RSF1: variants seen among roughly 807,000 people sequenced by gnomAD.
The protein encoded by RSF1 is HBV pX-associated protein 8.
A neutral mutation model predicts 145.2 loss-of-function variants in RSF1; 13 were observed. That is an observed-to-expected ratio of 0.09 (90% CI 0.06 to 0.14). The LOEUF (loss-of-function observed/expected upper bound fraction) is 0.14. Among genes scored for constraint, RSF1 ranks in the 10% least tolerant of loss-of-function variants. The pLI is 1.00. For synonymous variants in RSF1, 577 were observed against 592.6 expected (o/e 0.97, Z 0.38); for missense variants, 1,517 against 1,718.2 (o/e 0.88, Z 2.07).
rs1959268000 is a variant in RSF1, at chr11:77,663,014, C to T, written c.*3903G>A. On this transcript the variant is annotated 3_prime_UTR_variant, in exon 16 of 16. Transcript: ENST00000308488. ...TTCTGATACTTATCTGAAGTGTGTGCGTGTGCACACACACACACACATATA... is the reference window on the plus strand; with the variant it reads ...TTCTGATACTTATCTGAAGTGTGTGTGTGTGCACACACACACACACATATA... 7.4e-6 allele frequency: 1 copy of T among 135,398 alleles called. No homozygotes were observed. The highest frequency in any genetic ancestry group is 2.7e-5 in the African/African-American group (1 of 36,514). The allele number at this position is 135,398 out of a possible 1,614,324, so 8.4% of individuals were successfully genotyped here. A position where few individuals can be genotyped will look rare whatever the true frequency, so the allele number is the denominator to read the frequency against.
At chr11:77,814,982 T>C (rs1462312616) in intron 1 of RSF1, among the ~76,000 whole-genome samples, 1 of 152,202 alleles carries the variant, frequency 6.6e-6, no homozygotes. Context: ...CTGCACTTTA[T>C]GGCATACAAG....
chr11:77,778,528 T>C (rs778698844), intron 1 of RSF1, among the ~76,000 whole-genome samples: 55 of 152,154 alleles, frequency 3.6e-4, no homozygotes, highest in Non-Finnish European at 7.2e-4. Context: ...CCCTCTAACA[T>C]ATGCTCCCTC....
At chr11:77,852,934 T>C in the RSF1 span, among the ~76,000 whole-genome samples, 2 of 152,196 alleles carry the variant, frequency 1.3e-5, no homozygotes, top group African/African-American at 4.8e-5. Context: ...TTATTCACTT[T>C]AGTCCTAAGG....
intron 7 of RSF1, among the ~76,000 whole-genome samples, 180 bp from the exon 8 acceptor site, chr11:77,693,791 T>TTATG (rs1960216615): frequency 6.6e-6 from 1 of 151,536 alleles, no homozygotes; most frequent in Non-Finnish European, 1.5e-5. Flanking sequence ...ATTTATTTAT[T>TTATG]TATTTATTTA....
At chr11:77,788,998 C>G (rs1459739901) in intron 1 of RSF1, among the ~76,000 whole-genome samples, 1 of 152,032 alleles carries the variant, frequency 6.6e-6, no homozygotes, top group Non-Finnish European at 1.5e-5. Context: ...AAAGCAAGAC[C>G]TTATCTCAAA....
At chr11:77,738,029 T>C (rs1327143431) in intron 4 of RSF1, among the ~76,000 whole-genome samples, 1 of 152,146 alleles carries the variant, frequency 6.6e-6, no homozygotes, top group African/African-American at 2.4e-5. Flanking sequence ...CTTGGGAGGC[T>C]GAGGCAGAAG....
intron 1 of RSF1, among the ~76,000 whole-genome samples, chr11:77,801,275 A>C (rs966075809): frequency 3.3e-5 from 5 of 152,150 alleles, no homozygotes; most frequent in Non-Finnish European, 7.4e-5. Context: ...CTAAAGATAC[A>C]AAAGTAGCCG....
chr11:77,767,204 AACC>A (rs1948235484), intron 1 of RSF1, among the ~76,000 whole-genome samples: 1 of 152,146 alleles, frequency 6.6e-6, no homozygotes, highest in Non-Finnish European at 1.5e-5. Context: ...TCTGTTTTAA[AACC>A]AAGGTCACTT....
chr11:77,807,616 CATAAATATAGAGTTTAAAACAAAATTTGA>C (rs1436181390), intron 1 of RSF1, among the ~76,000 whole-genome samples: 1 of 152,134 alleles, frequency 6.6e-6, no homozygotes, highest in Admixed American at 6.6e-5. Context: ...TTAATCTGAG[CATAAATATAGAGTTTAAAACAAAATTTGA>C]AGTATTAGGA....
chr11:77,830,987 C>CAAAAAAA, the RSF1 span, among the ~76,000 whole-genome samples: 3 of 100,514 alleles, frequency 3.0e-5, no homozygotes, highest in Non-Finnish European at 4.1e-5. Flanking sequence ...CAAAATATAC[C>CAAAAAAA]AAAAAAAAAA....
chr11:77,730,780 A>T (rs1240377049), intron 4 of RSF1, among the ~76,000 whole-genome samples: 1 of 152,106 alleles, frequency 6.6e-6, no homozygotes, highest in Non-Finnish European at 1.5e-5. Context: ...TTCCTGCACA[A>T]GCTTTCTTTT....
At chr11:77,839,991 A>C in the RSF1 span, among the ~76,000 whole-genome samples, 1 of 152,174 alleles carries the variant, frequency 6.6e-6, no homozygotes, top group Non-Finnish European at 1.5e-5. Context: ...TGTTACATGC[A>C]TATAACAATT....
At chr11:77,703,516 G>C (rs930388109) in intron 5 of RSF1, 1 of 151,974 alleles carries the variant, frequency 6.6e-6, no homozygotes, top group Non-Finnish European at 1.5e-5. Flanking sequence ...AATGATTCTC[G>C]TCAAGTTGAT....
chr11:77,661,843 T>C lies in RSF1; in HGVS notation c.*5074A>G, dbSNP rs1248514116. ...GCCATGAAGTTCCCCAATAACTATGTTCTGGCTGTTCATGAGCATGACGTG... is the reference window on the plus strand; with the variant it reads ...GCCATGAAGTTCCCCAATAACTATGCTCTGGCTGTTCATGAGCATGACGTG... On this transcript the variant is annotated 3_prime_UTR_variant, in exon 16 of 16. Coordinates refer to ENST00000308488, the MANE Select transcript of RSF1 (RefSeq NM_016578.4). 1 of 151,932 alleles carries C rather than the reference T, an allele frequency of 6.6e-6. No individual in the cohort carries two copies. The highest frequency in any genetic ancestry group is 1.5e-5 in the Non-Finnish European group (1 of 67,960). The allele number at this position is 151,932 out of a possible 1,614,324, so 9.4% of individuals were successfully genotyped here.
At chr11:77,687,294 C>A (rs1960034938) in intron 9 of RSF1, among the ~76,000 whole-genome samples, 1 of 152,192 alleles carries the variant, frequency 6.6e-6, no homozygotes, top group Non-Finnish European at 1.5e-5. Context: ...CTGTGCCAGA[C>A]TGGTCTTCCT....
intron 7 of RSF1, among the ~76,000 whole-genome samples, chr11:77,696,024 T>G (rs1267172871): frequency 6.6e-6 from 1 of 152,166 alleles, no homozygotes; most frequent in Non-Finnish European, 1.5e-5. Flanking sequence ...GCATCACCAC[T>G]TGCTCGCAAT....
At chr11:77,670,976 A>G (rs908167949) in intron 15 of RSF1, among the ~76,000 whole-genome samples, 180 of 150,144 alleles carry the variant, frequency 1.2e-3, no homozygotes, top group African/African-American at 4.2e-3. Flanking sequence ...GCTTGGTGGC[A>G]CATGCCTAAA....
intron 7 of RSF1, among the ~76,000 whole-genome samples, chr11:77,697,358 T>G (rs975224483): frequency 3.5e-4 from 53 of 151,122 alleles, no homozygotes; most frequent in African/African-American, 1.0e-3. Context: ...GTGAAATCTA[T>G]TCAAAAGAAC....
the RSF1 span, among the ~76,000 whole-genome samples, chr11:77,827,904 G>A: frequency 0.75 from 113,329 of 151,986 alleles, 42,962 homozygotes; most frequent in African/African-American, 0.89. Flanking sequence ...GAACAAATAG[G>A]CAAGCACATT....
Sources: allele counts gnomAD v4.1 joint callset (sites outside exome capture counted in the v4.1 genomes callset), GRCh38; gene constraint gnomAD v4.1.1; transcripts MANE v1.5; gene names NCBI Gene and HGNC (gene_info 2026-07-23, HGNC 2026-07-21).